Variants in MCPH1 observed in about 807,000 individuals in gnomAD.
MCPH1 encodes microcephalin.
A neutral mutation model predicts 84.5 loss-of-function variants in MCPH1; 104 were observed. The observed-to-expected ratio is 1.23, with a 90% CI of 1.05 to 1.45. The LOEUF (loss-of-function observed/expected upper bound fraction) is 1.45, where lower values mean the gene tolerates loss of function less well. Ranked by LOEUF, MCPH1 falls within the 40% of genes most tolerant of loss-of-function variation. The pLI is 0.00. For synonymous variants in MCPH1, 514 were observed against 366.8 expected (o/e 1.40, Z -4.58); for missense variants, 1,498 against 1,005.7 (o/e 1.49, Z -6.62).
intron 13 of MCPH1, among the ~76,000 whole-genome samples, chr8:6,642,385 G>A (rs990099566): frequency 3.9e-5 from 6 of 152,112 alleles, no homozygotes; most frequent in African/African-American, 9.7e-5. Context: ...CACCTGCAGC[G>A]CTATCCTGGG....
intron 13 of MCPH1, among the ~76,000 whole-genome samples, chr8:6,638,422 T>C (rs1423149077): frequency 1.3e-5 from 2 of 152,128 alleles, no homozygotes; most frequent in Non-Finnish European, 2.9e-5. Flanking sequence ...CAGTTTTAGT[T>C]AAATAAAGTG....
intron 11 of MCPH1, among the ~76,000 whole-genome samples, chr8:6,481,278 A>T (rs989611696): frequency 3.9e-5 from 6 of 152,274 alleles, no homozygotes; most frequent in African/African-American, 1.4e-4. Flanking sequence ...TTGTTTGTAC[A>T]GATGGATTTA....
At chr8:6,458,866 G>T (rs377670652) in intron 9 of MCPH1, among the ~76,000 whole-genome samples, 3 of 152,058 alleles carry the variant, frequency 2.0e-5, no homozygotes, top group African/African-American at 7.2e-5. Flanking sequence ...GGCTGGTCTC[G>T]AACTCCTGAC....
At position 6,424,016 on chromosome 8, in the gene MCPH1, G is replaced by C. The variant is rs969073841; in HGVS notation, c.234-7483G>C. On this transcript the variant is annotated intron_variant, in intron 3 of 13. Coordinates refer to ENST00000344683, the MANE Select transcript of MCPH1 (RefSeq NM_024596.5). ...CACGTCTGTCCTTTCTTGGTGAACTGCCTGCCTTTCCAATGCAGTAGCTCA... is the reference window on the plus strand; with the variant it reads ...CACGTCTGTCCTTTCTTGGTGAACTCCCTGCCTTTCCAATGCAGTAGCTCA... Among the ~76,000 whole-genome samples the C allele has an allele frequency of 2.0e-5, 3 of 152,116 alleles. No individual in the cohort carries two copies. In the South Asian group the frequency reaches 6.2e-4, roughly 32 times the overall value.
chr8:6,513,781 G>C (rs1563323700), intron 12 of MCPH1: 1 of 1,614,020 alleles, frequency 6.2e-7, no homozygotes, highest in African/African-American at 1.3e-5. Flanking sequence ...TAGCGTTGCT[G>C]ATTAGTCAGT....
chr8:6,466,143 T>A (rs1382669007), intron 9 of MCPH1, among the ~76,000 whole-genome samples: 1 of 144,382 alleles, frequency 6.9e-6, no homozygotes, highest in Admixed American at 6.9e-5. Flanking sequence ...TTTTTTTTTT[T>A]TTTTTTTTTC....
intron 11 of MCPH1, among the ~76,000 whole-genome samples, chr8:6,498,357 T>A (rs543099992): frequency 6.6e-6 from 1 of 152,240 alleles, no homozygotes; most frequent in Non-Finnish European, 1.5e-5. Flanking sequence ...ATGAAACTAC[T>A]AGAGCAAAAT....
At chr8:6,617,933 A>ATCTATCTATCTATCTT (rs1563197054) in intron 12 of MCPH1, among the ~76,000 whole-genome samples, 1 of 151,478 alleles carries the variant, frequency 6.6e-6, no homozygotes, top group African/African-American at 2.4e-5. Context: ...CTATCTATCT[A>ATCTATCTATCTATCTT]TCTATCTATC....
At chr8:6,642,453 G>C (rs904108803) in intron 13 of MCPH1, among the ~76,000 whole-genome samples, 8 of 152,122 alleles carry the variant, frequency 5.3e-5, no homozygotes, top group African/African-American at 1.9e-4. Context: ...TGGGACTTTA[G>C]AGCTTCTTTA....
intron 3 of MCPH1, among the ~76,000 whole-genome samples, chr8:6,429,073 G>T (rs1034204756): frequency 6.6e-6 from 1 of 152,190 alleles, no homozygotes; most frequent in African/African-American, 2.4e-5. Context: ...ACACATTCAT[G>T]TGCAGGCTCT....
intron 3 of MCPH1, among the ~76,000 whole-genome samples, chr8:6,420,635 C>A (rs1800036551): frequency 6.6e-6 from 1 of 152,058 alleles, no homozygotes; most frequent in African/African-American, 2.4e-5. Context: ...ATTTTTATCT[C>A]AAAATCGATC....
chr8:6,494,413 G>A (rs761346375), intron 11 of MCPH1: 1 of 152,174 alleles, frequency 6.6e-6, no homozygotes, highest in Non-Finnish European at 1.5e-5. Flanking sequence ...AATGGATAAG[G>A]CAGTGGATTT....
At chr8:6,533,841 ATTCTGTGCT>A (rs1280601118) in intron 12 of MCPH1, among the ~76,000 whole-genome samples, 1 of 152,132 alleles carries the variant, frequency 6.6e-6, no homozygotes, top group Non-Finnish European at 1.5e-5. Flanking sequence ...CCACTAAATA[ATTCTGTGCT>A]TTCTGTCTTT....
chr8:6,531,062 G>A (rs1345140767), intron 12 of MCPH1, among the ~76,000 whole-genome samples: 1 of 152,158 alleles, frequency 6.6e-6, no homozygotes, highest in African/African-American at 2.4e-5. Context: ...AGCATGTAAA[G>A]AAGCCAGGAT....
At chr8:6,548,083 C>G (rs1235284579) in intron 12 of MCPH1, among the ~76,000 whole-genome samples, 2 of 152,112 alleles carry the variant, frequency 1.3e-5, no homozygotes, top group Non-Finnish European at 2.9e-5. Flanking sequence ...TGAATCCCCC[C>G]TAGCGGAAGA....
At chr8:6,571,232 T>G (rs1218839859) in intron 12 of MCPH1, among the ~76,000 whole-genome samples, 1 of 152,080 alleles carries the variant, frequency 6.6e-6, no homozygotes, top group Non-Finnish European at 1.5e-5. Context: ...AGTAATTCTG[T>G]GTCCTGTTTT....
In MCPH1 at chr8:6,625,274, CAGAG is replaced by C. The variant is rs752062721; in HGVS notation, c.2452+3586_2452+3589del. On this transcript the variant is annotated intron_variant, in intron 13 of 13. Coordinates refer to ENST00000344683, the MANE Select transcript of MCPH1 (RefSeq NM_024596.5). ...CACATGCTGGTTAAAGGAGGAAACA[CAGAG>C]AGCGCAAATGCCCTGTGGCAGGCGT... The C allele has an allele frequency of 4.2e-5, 41 of 985,468 alleles. No homozygotes were observed. The East Asian group carries it at 2.2e-3, about 52-fold the overall frequency. 61.0% of individuals were successfully genotyped at this position (985,468 alleles called of 1,614,324 possible). A position where few individuals can be genotyped will look rare whatever the true frequency, so the allele number is the denominator to read the frequency against.
intron 9 of MCPH1, among the ~76,000 whole-genome samples, chr8:6,472,532 C>G (rs903098886): frequency 2.0e-5 from 3 of 152,156 alleles, no homozygotes; most frequent in Non-Finnish European, 4.4e-5. Context: ...TTGGCCCGAT[C>G]TTAGCTCACT....
chr8:6,514,910 T>G (rs1414704653), intron 12 of MCPH1: 16 of 674,320 alleles, frequency 2.4e-5, no homozygotes, highest in South Asian at 2.2e-4. Flanking sequence ...AGGCACGGAG[T>G]AGACCATCGG....
Sources: gnomAD v4.1 joint callset for allele counts (sites outside exome capture counted in the v4.1 genomes callset) on GRCh38, gnomAD v4.1.1 for gene constraint, MANE v1.5 for transcripts, NCBI Gene and HGNC (gene_info 2026-07-23, HGNC 2026-07-21) for gene names.